Variants in CDYL2 observed in about 807,000 individuals in gnomAD.
CDYL2 encodes chromodomain Y like 2.
CDYL2 carries 23 observed loss-of-function variants against 49.4 expected under a neutral mutation model. That is an observed-to-expected ratio of 0.47 (90% CI 0.34 to 0.66). CDYL2 has a LOEUF of 0.66. Ranked by LOEUF, CDYL2 falls within the 30% of genes least tolerant of loss-of-function variation. The pLI is 0.01. For synonymous variants in CDYL2, 360 were observed against 268.8 expected, an observed-to-expected ratio of 1.34 and a Z score of -3.32; for missense variants, 678 against 656.4, an observed-to-expected ratio of 1.03 and a Z score of -0.36.
At chr16:80,626,734 G>T (rs1907321505) in intron 3 of CDYL2, among the ~76,000 whole-genome samples, 1 of 152,174 alleles carries the variant, frequency 6.6e-6, no homozygotes, top group Non-Finnish European at 1.5e-5. Context: ...AGACTCCACA[G>T]GCATCATCAC....
At chr16:80,684,407 G>A (rs900990135) in intron 2 of CDYL2, 131 bp downstream of exon 2, 4 of 827,050 alleles carry the variant, frequency 4.8e-6, no homozygotes, top group East Asian at 2.6e-5. Flanking sequence ...TGAGAGAGAT[G>A]AAGGGGGAAT....
Position 80,708,008 on chromosome 16 carries a change from C to T in CDYL2, c.25-22879G>A, listed in dbSNP as rs138952451. Among the ~76,000 whole-genome samples, 3 of 152,308 alleles carry T rather than the reference C, an allele frequency of 2.0e-5. No individual in the cohort carries two copies. The East Asian group carries it at 5.8e-4, about 29-fold the overall frequency. On this transcript the variant is annotated intron_variant, in intron 1 of 6. Transcript: ENST00000570137. Reference sequence around the variant, plus strand: ...CAGGATGCTATTTCTACAAGAAAGGCTCAGAGGATCACACTCTTTAGGGGT... The same window carrying T: ...CAGGATGCTATTTCTACAAGAAAGGTTCAGAGGATCACACTCTTTAGGGGT...
intron 1 of CDYL2, among the ~76,000 whole-genome samples, chr16:80,789,291 G>T (rs1907534292): frequency 6.6e-6 from 1 of 152,108 alleles, no homozygotes; most frequent in Non-Finnish European, 1.5e-5. Context: ...CAAAGGAAAA[G>T]AAATCATTAT....
At chr16:80,759,266 G>A (rs937503569) in intron 1 of CDYL2, among the ~76,000 whole-genome samples, 12 of 150,986 alleles carry the variant, frequency 7.9e-5, no homozygotes, top group African/African-American at 2.2e-4. Flanking sequence ...TAATTTCTGT[G>A]TTGGGTATAT....
intron 2 of CDYL2, among the ~76,000 whole-genome samples, chr16:80,648,921 G>A (rs918294675): frequency 6.6e-5 from 10 of 152,042 alleles, no homozygotes; most frequent in African/African-American, 2.4e-4. Context: ...TTGGTGCTGA[G>A]AACACATTTG....
At position 80,630,907 on chromosome 16, in the gene CDYL2, C is replaced by T. The variant is rs182358766; in HGVS notation, c.834+2112G>A. Among the ~76,000 whole-genome samples, 1,027 of 152,240 alleles carry T rather than the reference C, an allele frequency of 6.7e-3. 16 individuals are homozygous for T. Among genetic ancestry groups the T allele is most frequent in the African/African-American group, 0.024 (998 of 41,502 alleles). Reference sequence around the variant, plus strand: ...ATGGTACGGGGTACACTGGACAATGCTAGGTCATTCTATTATCCCGATGTG... The same window carrying T: ...ATGGTACGGGGTACACTGGACAATGTTAGGTCATTCTATTATCCCGATGTG... On this transcript the variant is annotated intron_variant, in intron 3 of 6. Coordinates refer to ENST00000570137, the MANE Select transcript of CDYL2 (RefSeq NM_152342.4).
In CDYL2 at chr16:80,804,393, A is replaced by AGCG. The variant is rs528498874; in HGVS notation, c.-223_-221dup. 2,106 of 178,658 alleles carry AGCG rather than the reference A, an allele frequency of 0.012. 43 individuals are homozygous for AGCG. Among genetic ancestry groups the AGCG allele is most frequent in the African/African-American group, 0.045 (1,846 of 40,680 alleles). 11.1% of individuals were successfully genotyped at this position (178,658 alleles called of 1,614,324 possible). ...CGGCGGGGCTGGCGTAACCGGCAGC[A>AGCG]GCGGCGGCGGCGGCGGCGGCGGCAC... On this transcript the variant is annotated 5_prime_UTR_variant, in exon 1 of 7. Transcript: ENST00000570137.
At chr16:80,769,021 C>A (rs527779001) in intron 1 of CDYL2, among the ~76,000 whole-genome samples, 1 of 152,190 alleles carries the variant, frequency 6.6e-6, no homozygotes, top group African/African-American at 2.4e-5. Flanking sequence ...CCTTTTACCT[C>A]TGAATAAAGT....
chr16:80,781,130 G>A (rs1038261219), intron 1 of CDYL2, among the ~76,000 whole-genome samples: 3 of 152,104 alleles, frequency 2.0e-5, no homozygotes, highest in African/African-American at 4.8e-5. Context: ...GTGGCAGAGT[G>A]AAATTTAACA....
At chr16:80,747,143 A>G (rs1198402783) in intron 1 of CDYL2, among the ~76,000 whole-genome samples, 1 of 152,222 alleles carries the variant, frequency 6.6e-6, no homozygotes, top group African/African-American at 2.4e-5. Flanking sequence ...AAAACAAAAT[A>G]AAACAAAAGA....
At chr16:80,632,644 A>T (rs1021433433) in intron 3 of CDYL2, 3 of 256,450 alleles carry the variant, frequency 1.2e-5, no homozygotes, top group African/African-American at 6.5e-5. Context: ...AGATACATTA[A>T]CTGAGTGAAT....
chr16:80,712,731 A>G (rs938166224), intron 1 of CDYL2, among the ~76,000 whole-genome samples: 2 of 152,180 alleles, frequency 1.3e-5, no homozygotes, highest in Non-Finnish European at 2.9e-5. Flanking sequence ...TGAATGGGAA[A>G]TGCATGGCTT....
At chr16:80,754,376 G>C (rs535078426) in intron 1 of CDYL2, among the ~76,000 whole-genome samples, 1 of 152,298 alleles carries the variant, frequency 6.6e-6, no homozygotes, top group East Asian at 1.9e-4. Flanking sequence ...GGAACAAACA[G>C]AGATTAAGCC....
intron 1 of CDYL2, among the ~76,000 whole-genome samples, chr16:80,782,619 T>C (rs1907309191): frequency 6.7e-6 from 1 of 149,838 alleles, no homozygotes; most frequent in South Asian, 2.1e-4. Flanking sequence ...GAAACCAAAT[T>C]CAGCAGTATG....
At chr16:80,780,987 A>G (rs1907245700) in intron 1 of CDYL2, among the ~76,000 whole-genome samples, 1 of 152,130 alleles carries the variant, frequency 6.6e-6, no homozygotes, top group South Asian at 2.1e-4. Context: ...AACTTACCCT[A>G]TTTCATGACC....
chr16:80,611,807 G>T lies in CDYL2; in HGVS notation c.1218+819C>A, dbSNP rs538461709. 5.3e-5 allele frequency among the ~76,000 whole-genome samples: 8 copies of T among 152,312 alleles called. No individual in the cohort carries two copies. The South Asian group carries it at 8.3e-4, about 16-fold the overall frequency. On this transcript the variant is annotated intron_variant, in intron 5 of 6. Coordinates refer to ENST00000570137, the MANE Select transcript of CDYL2 (RefSeq NM_152342.4). Reference sequence around the variant, plus strand: ...CCAGCACACAGCAAGTGCTTCCTACGTGCCAGCTGTCATCAGTGCTCTCCC... The same window carrying T: ...CCAGCACACAGCAAGTGCTTCCTACTTGCCAGCTGTCATCAGTGCTCTCCC...
At chr16:80,665,182 G>C (rs1437814451) in intron 2 of CDYL2, among the ~76,000 whole-genome samples, 1 of 152,074 alleles carries the variant, frequency 6.6e-6, no homozygotes, top group Non-Finnish European at 1.5e-5. Context: ...TTAAAATATA[G>C]TTCTCACTGT....
intron 2 of CDYL2, among the ~76,000 whole-genome samples, chr16:80,656,843 G>C (rs1183025168): frequency 6.6e-6 from 1 of 152,188 alleles, no homozygotes; most frequent in Non-Finnish European, 1.5e-5. Flanking sequence ...GTTCTTCAAA[G>C]GCAACAAGGA....
At chr16:80,664,767 TACTG>T (rs1446056381) in intron 2 of CDYL2, among the ~76,000 whole-genome samples, 1 of 152,162 alleles carries the variant, frequency 6.6e-6, no homozygotes, top group Non-Finnish European at 1.5e-5. Context: ...AACAGCCACC[TACTG>T]ACTAATAGAC....
Sources: gnomAD v4.1 joint callset for allele counts (sites outside exome capture counted in the v4.1 genomes callset) on GRCh38, gnomAD v4.1.1 for gene constraint, MANE v1.5 for transcripts, NCBI Gene and HGNC (gene_info 2026-07-23, HGNC 2026-07-21) for gene names.